SATL1: variants seen among roughly 807,000 people sequenced by gnomAD.
SATL1 encodes spermidine/spermine N1-acetyl transferase like 1, also known as spermidine/spermine N(1)-acetyltransferase-like protein 1.
In SATL1, 47 loss-of-function variants were observed where a neutral mutation model predicts 51.8. That is an observed-to-expected ratio of 0.91 (90% CI 0.72 to 1.16). The LOEUF (loss-of-function observed/expected upper bound fraction) is 1.16, where lower values mean the gene tolerates loss of function less well. Ranked by LOEUF, SATL1 falls within the 50% of genes most tolerant of loss-of-function variation. The pLI, the probability that SATL1 is intolerant of heterozygous loss-of-function variation, is 0.00. For missense variants in SATL1, 520 were observed against 526.4 expected, an observed-to-expected ratio of 0.99 and a Z score of 0.12; for synonymous variants, 176 against 182.4, an observed-to-expected ratio of 0.97 and a Z score of 0.28.
intron 2 of SATL1, among the ~76,000 whole-genome samples, chrX:85,201,226 C>T (rs1027578334): frequency 9.0e-6 from 1 of 111,175 alleles, no homozygotes; most frequent in Non-Finnish European, 1.9e-5. Context: ...AAATGTTTTA[C>T]TTAGAGATTT....
At chrX:85,203,022 G>A (rs1162435955) in intron 2 of SATL1, among the ~76,000 whole-genome samples, 1 of 111,524 alleles carries the variant, frequency 9.0e-6, no homozygotes, top group Non-Finnish European at 1.9e-5. Flanking sequence ...CCAGTGAGGA[G>A]ATACGGGAAT....
At chrX:85,124,135 G>T (rs1246554487) in intron 2 of SATL1, among the ~76,000 whole-genome samples, 2 of 111,797 alleles carry the variant, frequency 1.8e-5, no homozygotes, top group Non-Finnish European at 3.8e-5. Flanking sequence ...ATCCAACTTT[G>T]TGATAATTAG....
chrX:85,100,672 A>T, intron 4 of SATL1, among the ~76,000 whole-genome samples: 1 of 112,260 alleles, frequency 8.9e-6, no homozygotes, highest in Middle Eastern at 4.6e-3. Context: ...TTAGAATTCC[A>T]ACAGCCTTTT....
At chrX:85,188,650 A>T (rs781061280) in intron 2 of SATL1, among the ~76,000 whole-genome samples, 6 of 110,096 alleles carry the variant, frequency 5.4e-5, no homozygotes, top group East Asian at 2.9e-4. Context: ...CATCTCTCTA[A>T]AAAAAAAATT....
intron 1 of SATL1, among the ~76,000 whole-genome samples, chrX:85,225,505 G>T (rs1928261064): frequency 8.9e-6 from 1 of 112,114 alleles, no homozygotes; most frequent in Admixed American, 9.4e-5. Context: ...AATACAACAG[G>T]AGGAAGTCCC....
At chrX:85,233,836 TAAAGAGGAGGC>T (rs2147766766) in intron 1 of SATL1, among the ~76,000 whole-genome samples, 1 of 111,238 alleles carries the variant, frequency 9.0e-6, no homozygotes, top group African/African-American at 3.3e-5. Flanking sequence ...TTATTGGTCT[TAAAGAGGAGGC>T]AGAAAGATAG....
At chrX:85,179,437 T>G (rs962488318) in intron 2 of SATL1, among the ~76,000 whole-genome samples, 1 of 111,973 alleles carries the variant, frequency 8.9e-6, no homozygotes, top group Admixed American at 9.5e-5. Flanking sequence ...TTTGGAAGCA[T>G]GTGATCAGCA....
chrX:85,173,791 A>G (rs983442892), intron 2 of SATL1, among the ~76,000 whole-genome samples: 6 of 109,073 alleles, frequency 5.5e-5, no homozygotes, highest in African/African-American at 2.0e-4. Context: ...TTATTATTAT[A>G]CTTTAAGTTC....
intron 2 of SATL1, among the ~76,000 whole-genome samples, chrX:85,192,664 C>T (rs953428806): frequency 2.7e-5 from 3 of 111,246 alleles, no homozygotes; most frequent in African/African-American, 9.8e-5. Flanking sequence ...TTCCACAGCA[C>T]CTCATATATA....
intron 2 of SATL1, among the ~76,000 whole-genome samples, chrX:85,166,680 A>G (rs886792710): frequency 1.8e-5 from 2 of 110,763 alleles, no homozygotes; most frequent in African/African-American, 6.6e-5. Flanking sequence ...TGCTGGTGGA[A>G]ATGTAAACTA....
Position 85,108,660 on chromosome X carries a change from G to T in SATL1, c.309C>A (p.Gly103=). 8.3e-7 allele frequency: 1 copy of T among 1,201,255 alleles called. No individual in the cohort carries two copies. Among genetic ancestry groups the T allele is most frequent in the African/African-American group, 1.7e-5 (1 of 57,701 alleles). ...GTTGCGATGGGTCTGGTTGGCTTATGCCTGCTTTGCTCAGGACTAGTTGGC... is the reference window on the plus strand; with the variant it reads ...GTTGCGATGGGTCTGGTTGGCTTATTCCTGCTTTGCTCAGGACTAGTTGGC... ...ELSQLVLSKA[G]ISQPDPSQPG... The change falls in exon 3 of 8, where the codon GGC becomes GGA. Residue 103 remains glycine, a synonymous_variant. Transcript: ENST00000644105.
chrX:85,207,543 T>C (rs183726493), intron 2 of SATL1: 10 of 111,902 alleles, frequency 8.9e-5, no homozygotes, highest in African/African-American at 3.2e-4. Context: ...GGGAATCTGC[T>C]CACTTTCCTA....
chrX:85,213,531 G>A (rs1927973404), intron 2 of SATL1, among the ~76,000 whole-genome samples: 2 of 111,757 alleles, frequency 1.8e-5, no homozygotes, highest in Non-Finnish European at 3.8e-5. Context: ...ACTGGTATTT[G>A]TTAACATAAT....
At chrX:85,181,390 G>A (rs1414632894) in intron 2 of SATL1, among the ~76,000 whole-genome samples, 1 of 109,581 alleles carries the variant, frequency 9.1e-6, no homozygotes, top group African/African-American at 3.3e-5. Context: ...TCCAAGAGAC[G>A]TGAGGCAGTT....
At chrX:85,152,620 T>C (rs1242656092) in intron 2 of SATL1, among the ~76,000 whole-genome samples, 1 of 111,637 alleles carries the variant, frequency 9.0e-6, no homozygotes. Flanking sequence ...ATATACACCA[T>C]GGAATACTAT....
At chrX:85,215,737 C>A (rs1928029288) in intron 2 of SATL1, among the ~76,000 whole-genome samples, 1 of 112,236 alleles carries the variant, frequency 8.9e-6, no homozygotes, top group African/African-American at 3.2e-5. Context: ...CATTTGAGAC[C>A]TCATCAGCAT....
intron 1 of SATL1, among the ~76,000 whole-genome samples, chrX:85,230,330 C>G (rs999216878): frequency 8.9e-6 from 1 of 111,844 alleles, no homozygotes. Flanking sequence ...ACATGATAAT[C>G]TCTTCAAGAA....
intron 2 of SATL1, among the ~76,000 whole-genome samples, chrX:85,215,353 T>A (rs767607844): frequency 4.1e-4 from 46 of 110,969 alleles, no homozygotes; most frequent in African/African-American, 1.4e-3. Flanking sequence ...TGGCTTCCAT[T>A]TAGTCATGGT....
At chrX:85,224,751 C>A (rs1928241369) in intron 1 of SATL1, among the ~76,000 whole-genome samples, 1 of 93,151 alleles carries the variant, frequency 1.1e-5, no homozygotes, top group Admixed American at 1.2e-4. Context: ...TCAGCAATTC[C>A]ACTCATGAGT....
Sources: gnomAD v4.1 joint callset for allele counts (sites outside exome capture counted in the v4.1 genomes callset) on GRCh38, gnomAD v4.1.1 for gene constraint, MANE v1.5 for transcripts, NCBI Gene and HGNC (gene_info 2026-07-23, HGNC 2026-07-21) for gene names.